The following TMEM230 variants were observed in gnomAD, a reference collection of about 807,000 sequenced individuals.
TMEM230 encodes the protein transmembrane protein 230.
In TMEM230, 10 loss-of-function variants were observed where a neutral mutation model predicts 15.8. That is an observed-to-expected ratio of 0.63 (90% confidence interval 0.39 to 1.07). The LOEUF (loss-of-function observed/expected upper bound fraction) is 1.07, where lower values mean the gene tolerates loss of function less well. Ranked by LOEUF, TMEM230 falls within the 50% of genes least tolerant of loss-of-function variation. TMEM230 has a pLI of 0.01. For missense variants in TMEM230, 165 were observed against 193.3 expected (o/e 0.85, Z 0.87); for synonymous variants, 67 against 76.9 (o/e 0.87, Z 0.68).
Position 5,092,075 on chromosome 20 carries a change from G to C in TMEM230, c.222+14113C>G, listed in dbSNP as rs6038067. Among the ~76,000 whole-genome samples, 16 of 152,068 alleles carry C rather than the reference G, an allele frequency of 1.1e-4. 1 individual carries two copies. The highest frequency in any genetic ancestry group is 3.9e-4 in the Admixed American group (6 of 15,260). On this transcript the variant is annotated intron_variant, in intron 3 of 3. Coordinates refer to the TMEM230 transcript ENST00000612323. ...TCTGCCAACACCCTATGTGACTTTC[G>C]AGACTTTGTGCCTGCCTCCTTTGTT...
chr20:5,078,348 A>G (rs1366723482), intron 3 of TMEM230, among the ~76,000 whole-genome samples: 2 of 152,226 alleles, frequency 1.3e-5, no homozygotes, highest in Non-Finnish European at 2.9e-5. Flanking sequence ...TGAATAAACA[A>G]TGGCTTCTCC....
chr20:5,110,430 G>A (rs1346426587), intron 2 of TMEM230, among the ~76,000 whole-genome samples: 4 of 152,022 alleles, frequency 2.6e-5, no homozygotes, highest in Non-Finnish European at 5.9e-5. Context: ...GATTACAGGC[G>A]TGTGCCACCA....
downstream of TMEM230, among the ~76,000 whole-genome samples, chr20:5,095,408 C>T (rs536269897): frequency 2.6e-5 from 4 of 152,272 alleles, no homozygotes; most frequent in East Asian, 5.8e-4. Context: ...CTCCTGCCAC[C>T]GACCTTCCTC....
At position 5,100,749 on chromosome 20, in the gene TMEM230, G is replaced by C. The variant is rs2089820066; in HGVS notation, c.*42C>G. On this transcript the variant is annotated 3_prime_UTR_variant, in exon 5 of 5. Transcript: ENST00000342308. ...GTTTCTGCTAGATATCTTAAAGCTG[G>C]GACAGTTCCACTGTGACTCCTCCTC... 1.2e-6 allele frequency: 2 copies of C among 1,606,786 alleles called. No homozygotes were observed. Among genetic ancestry groups the C allele is most frequent in the Non-Finnish European group, 1.7e-6 (2 of 1,176,412 alleles).
At chr20:5,077,298 A>G (rs1600284542) in intron 3 of TMEM230, among the ~76,000 whole-genome samples, 1 of 152,180 alleles carries the variant, frequency 6.6e-6, no homozygotes, top group Middle Eastern at 3.4e-3. Context: ...ACAGAGCAAG[A>G]CCCTGTCTCA....
intron 2 of TMEM230, among the ~76,000 whole-genome samples, chr20:5,109,861 C>A (rs2090243419): frequency 1.3e-5 from 2 of 152,146 alleles, no homozygotes; most frequent in South Asian, 4.1e-4. Context: ...GTCCCCTGCT[C>A]CCGCTCTTAA....
downstream of TMEM230, among the ~76,000 whole-genome samples, chr20:5,067,801 C>T (rs2088699757): frequency 6.7e-6 from 1 of 149,122 alleles, no homozygotes; most frequent in Non-Finnish European, 1.5e-5. Context: ...ACTCTGTTGC[C>T]CAGGCTGAAG....
At chr20:5,105,411 C>T (rs2090034619) in intron 4 of TMEM230, among the ~76,000 whole-genome samples, 3 of 151,188 alleles carry the variant, frequency 2.0e-5, no homozygotes, top group Admixed American at 1.3e-4. Flanking sequence ...GGCAACATGG[C>T]GAAACCCCAT....
At chr20:5,102,675 T>C (rs2089917139) in intron 4 of TMEM230, among the ~76,000 whole-genome samples, 1 of 130,710 alleles carries the variant, frequency 7.7e-6, no homozygotes, top group Non-Finnish European at 1.5e-5. Flanking sequence ...GCATGACAGA[T>C]GAGACCCTGT....
At chr20:5,062,244 C>G in the TMEM230 span, among the ~76,000 whole-genome samples, 2 of 150,492 alleles carry the variant, frequency 1.3e-5, no homozygotes, top group Non-Finnish European at 3.0e-5. Context: ...AAAAAAAAAG[C>G]CATTTATGTG....
chr20:5,095,821 C>T (rs957435348), downstream of TMEM230, among the ~76,000 whole-genome samples: 4 of 152,202 alleles, frequency 2.6e-5, no homozygotes, highest in African/African-American at 9.7e-5. Flanking sequence ...GTTGATGCTG[C>T]CGGTCCACAG....
At chr20:5,063,277 ATTTTTT>A (rs1165126313), downstream of TMEM230, among the ~76,000 whole-genome samples, 9 of 86,386 alleles carry the variant, frequency 1.0e-4, no homozygotes, top group East Asian at 1.3e-3. Context: ...GCTGCTATGA[ATTTTTT>A]TTTTTTTTTT....
At chr20:5,092,493 G>A (rs6038068) in intron 3 of TMEM230, among the ~76,000 whole-genome samples, 82,583 of 152,000 alleles carry the variant, frequency 0.54, 22,937 homozygotes, top group East Asian at 0.84. Flanking sequence ...CGACGCAGGC[G>A]GATCACCTGA....
chr20:5,112,768 G>A, intron 1 of TMEM230, 193 bp downstream of exon 1: 1 of 1,471,476 alleles, frequency 6.8e-7, no homozygotes, highest in Non-Finnish European at 9.0e-7. Context: ...GCCAGGGAGA[G>A]AAATAAGAAC....
intron 3 of TMEM230, among the ~76,000 whole-genome samples, chr20:5,084,625 C>T (rs1202118564): frequency 6.6e-6 from 1 of 152,116 alleles, no homozygotes; most frequent in African/African-American, 2.4e-5. Context: ...ACCTCCGCTT[C>T]CTGGGTTCAA....
At chr20:5,090,584 C>A (rs1600333263) in intron 3 of TMEM230, among the ~76,000 whole-genome samples, 1 of 152,034 alleles carries the variant, frequency 6.6e-6, no homozygotes. Context: ...GAGACAGATA[C>A]ATAGAAAATC....
At chr20:5,078,849 G>A (rs867835905) in intron 3 of TMEM230, among the ~76,000 whole-genome samples, 1 of 151,884 alleles carries the variant, frequency 6.6e-6, no homozygotes, top group African/African-American at 2.4e-5. Flanking sequence ...GACTGCAGTG[G>A]TGTGATCATG....
At position 5,075,969 on chromosome 20, in the gene TMEM230, C is replaced by T. The variant is rs191580532; in HGVS notation, c.223-6620G>A. ...AATATATATACAAAAATTAGCTGGG[C>T]GTGGTGGTGCGCACCTGTGGTACTA... is the stretch of plus-strand genomic sequence containing the variant. On this transcript the variant is annotated intron_variant, in intron 3 of 3. Coordinates refer to the TMEM230 transcript ENST00000612323. Among the ~76,000 whole-genome samples, 786 of 151,772 alleles carry T rather than the reference C, an allele frequency of 5.2e-3. 3 individuals carry two copies. Among genetic ancestry groups the T allele is most frequent in the Non-Finnish European group, 8.4e-3 (573 of 67,928 alleles).
downstream of TMEM230, among the ~76,000 whole-genome samples, chr20:5,096,653 G>C (rs748033105): frequency 1.3e-5 from 2 of 152,214 alleles, no homozygotes; most frequent in Admixed American, 6.5e-5. Context: ...GAGGGTGCCA[G>C]GCAGAGGCAT....
Sources: gnomAD v4.1 joint callset for allele counts (sites outside exome capture counted in the v4.1 genomes callset) on GRCh38, gnomAD v4.1.1 for gene constraint, MANE v1.5 for transcripts, NCBI Gene and HGNC (gene_info 2026-07-23, HGNC 2026-07-21) for gene names.